The following KCNIP4 variants were observed in gnomAD, a reference collection of about 807,000 sequenced individuals.
The protein encoded by KCNIP4 is Kv channel-interacting protein 4.
A neutral mutation model predicts 34.0 loss-of-function variants in KCNIP4; 12 were observed. The ratio of observed to expected loss-of-function variants is 0.35; its 90% CI spans 0.23 to 0.57. KCNIP4 has a LOEUF of 0.57. KCNIP4 is among the 20% of genes least tolerant of loss of function. The pLI is 0.83. For missense variants in KCNIP4, 238 were observed against 311.7 expected (o/e 0.76, Z 1.78); for synonymous variants, 124 against 102.2 (o/e 1.21, Z -1.29).
intron 1 of KCNIP4, among the ~76,000 whole-genome samples, chr4:21,376,999 T>A (rs552127080): frequency 1.3e-5 from 2 of 152,090 alleles, no homozygotes; most frequent in Non-Finnish European, 2.9e-5. Context: ...TATTTCCAGA[T>A]AGGAAGGCAT....
chr4:21,936,239 T>C (rs976135416), intron 1 of KCNIP4, among the ~76,000 whole-genome samples: 4 of 152,050 alleles, frequency 2.6e-5, no homozygotes, highest in Non-Finnish European at 5.9e-5. Flanking sequence ...AATTGAATCA[T>C]GGGGCGGTCC....
chr4:20,757,796 G>A (rs1180911823), intron 4 of KCNIP4, among the ~76,000 whole-genome samples: 2 of 152,124 alleles, frequency 1.3e-5, no homozygotes, highest in African/African-American at 4.8e-5. Context: ...TATAGGTAGG[G>A]TTGTTGGATG....
chr4:21,156,356 A>C (rs2109262265), intron 1 of KCNIP4, among the ~76,000 whole-genome samples: 1 of 152,274 alleles, frequency 6.6e-6, no homozygotes, highest in South Asian at 2.1e-4. Context: ...TTCAGGGCTA[A>C]AATGGTTATG....
At chr4:20,799,558 G>A (rs1713952435) in intron 3 of KCNIP4, among the ~76,000 whole-genome samples, 2 of 152,156 alleles carry the variant, frequency 1.3e-5, no homozygotes, top group Non-Finnish European at 2.9e-5. Flanking sequence ...GAGCTGGTGA[G>A]ATGTCCCACC....
At chr4:21,204,854 T>C (rs1180483301) in intron 1 of KCNIP4, among the ~76,000 whole-genome samples, 1 of 152,170 alleles carries the variant, frequency 6.6e-6, no homozygotes. Flanking sequence ...GTTCCCGATA[T>C]AGTTGGGAGA....
At chr4:21,824,495 G>C (rs1293907645) in intron 1 of KCNIP4, among the ~76,000 whole-genome samples, 1 of 152,046 alleles carries the variant, frequency 6.6e-6, no homozygotes, top group African/African-American at 2.4e-5. Flanking sequence ...CAGTAATCTG[G>C]CTCAACCAAT....
chr4:21,228,533 G>T (rs1011556525), intron 1 of KCNIP4, among the ~76,000 whole-genome samples: 1 of 152,138 alleles, frequency 6.6e-6, no homozygotes, highest in Admixed American at 6.6e-5. Context: ...GGCAGCACTT[G>T]ACTGAAACAG....
At chr4:21,243,011 C>A (rs1759966404) in intron 1 of KCNIP4, among the ~76,000 whole-genome samples, 1 of 151,686 alleles carries the variant, frequency 6.6e-6, no homozygotes, top group Non-Finnish European at 1.5e-5. Context: ...ATATAATATA[C>A]CAAGCAGAAT....
At chr4:21,318,020 A>G (rs1328209735) in intron 1 of KCNIP4, among the ~76,000 whole-genome samples, 1 of 152,182 alleles carries the variant, frequency 6.6e-6, no homozygotes, top group Non-Finnish European at 1.5e-5. Context: ...AGACTAATAC[A>G]GGAACTGTCT....
At chr4:21,472,059 T>C (rs769277594) in intron 1 of KCNIP4, among the ~76,000 whole-genome samples, 5 of 152,232 alleles carry the variant, frequency 3.3e-5, no homozygotes, top group Admixed American at 6.5e-5. Context: ...ATGTCCCATG[T>C]GGCAGAGGTG....
chr4:21,168,897 T>C (rs1439983621), intron 1 of KCNIP4, among the ~76,000 whole-genome samples: 1 of 152,098 alleles, frequency 6.6e-6, no homozygotes, highest in East Asian at 1.9e-4. Flanking sequence ...ACAGAGAGCA[T>C]CCTCTCAGTA....
At chr4:20,887,566 G>T (rs1217689774) in intron 1 of KCNIP4, among the ~76,000 whole-genome samples, 1 of 152,022 alleles carries the variant, frequency 6.6e-6, no homozygotes, top group African/African-American at 2.4e-5. Context: ...AAGAACAGCA[G>T]AAACACCAGA....
At chr4:21,402,949 C>A (rs373059715) in intron 1 of KCNIP4, among the ~76,000 whole-genome samples, 41 of 152,302 alleles carry the variant, frequency 2.7e-4, no homozygotes, top group African/African-American at 9.1e-4. Context: ...TAATTAAGTT[C>A]TTTTGCTCTG....
chr4:21,799,578 G>A (rs947180130), intron 1 of KCNIP4, among the ~76,000 whole-genome samples: 1 of 152,122 alleles, frequency 6.6e-6, no homozygotes, highest in Admixed American at 6.5e-5. Flanking sequence ...AAATTGCTTA[G>A]TTATGACTTT....
At chr4:20,743,920 G>GAA (rs56209007) in intron 5 of KCNIP4, among the ~76,000 whole-genome samples, 1 of 141,802 alleles carries the variant, frequency 7.1e-6, no homozygotes. Context: ...AAATTTACAA[G>GAA]AAAAAAAAAA....
intron 1 of KCNIP4, among the ~76,000 whole-genome samples, chr4:21,754,702 C>T (rs1309474385): frequency 6.6e-6 from 1 of 152,128 alleles, no homozygotes; most frequent in Non-Finnish European, 1.5e-5. Context: ...CTTCCCTAAA[C>T]TGTCAACTCT....
intron 1 of KCNIP4, among the ~76,000 whole-genome samples, chr4:21,096,588 G>A (rs1747475953): frequency 1.3e-5 from 2 of 152,010 alleles, no homozygotes; most frequent in Admixed American, 6.6e-5. Context: ...CAAGTATCAT[G>A]ATACAAAGCA....
chr4:20,741,877 A>C (rs1212698310), intron 5 of KCNIP4, among the ~76,000 whole-genome samples: 2 of 152,222 alleles, frequency 1.3e-5, no homozygotes, highest in African/African-American at 4.8e-5. Flanking sequence ...ATAAAAAATG[A>C]TAAAGGGGAT....
intron 1 of KCNIP4, among the ~76,000 whole-genome samples, chr4:21,660,966 C>T (rs1415093806): frequency 6.6e-6 from 1 of 152,022 alleles, no homozygotes; most frequent in Non-Finnish European, 1.5e-5. Context: ...GTTTTCGTGC[C>T]CAAATGTTGC....
Sources: allele counts gnomAD v4.1 joint callset (sites outside exome capture counted in the v4.1 genomes callset), GRCh38; gene constraint gnomAD v4.1.1; transcripts MANE v1.5; gene names NCBI Gene and HGNC (gene_info 2026-07-23, HGNC 2026-07-21).